Variants in PTGES3L observed in about 807,000 individuals in gnomAD.
PTGES3L encodes prostaglandin E synthase 3 like.
Under a neutral mutation model 25.0 loss-of-function variants are expected in PTGES3L, and 17 were observed. That is an observed-to-expected ratio of 0.68 (90% confidence interval 0.47 to 1.02). The LOEUF is 1.02. Among genes scored for constraint, PTGES3L ranks in the 50% least tolerant of loss-of-function variants. The pLI, the probability that PTGES3L is intolerant of heterozygous loss-of-function variation, is 0.00. For missense variants in PTGES3L, 202 were observed against 197.5 expected (o/e 1.02, Z -0.14); for synonymous variants, 59 against 65.7 (o/e 0.90, Z 0.50).
In PTGES3L at chr17:42,980,064, GCTC is replaced by G; in HGVS notation, c.-14_-12del. The G allele has an allele frequency of 6.4e-7, 1 of 1,551,120 alleles. No individual in the cohort carries two copies. Among genetic ancestry groups the G allele is most frequent in the Non-Finnish European group, 8.7e-7 (1 of 1,146,844 alleles). On this transcript the variant is annotated 5_prime_UTR_variant, in exon 1 of 7. Coordinates refer to ENST00000591916, the MANE Select transcript of PTGES3L (RefSeq NM_001261430.2). ...CACTCACCGTGCCATTGCGGCTCCC[GCTC>G]CAGGGTGGCATTTAGAGTTCCAGGC...
intron 4 of PTGES3L, among the ~76,000 whole-genome samples, chr17:42,978,729 G>A (rs531910416): frequency 1.3e-5 from 2 of 151,792 alleles, no homozygotes; most frequent in East Asian, 2.0e-4. Flanking sequence ...AGCCAGGCGC[G>A]GTGGCTCACG....
Position 42,968,987 on chromosome 17 carries a change from A to G in PTGES3L, c.*161T>C, listed in dbSNP as rs897309266. ...ATAGTCAAGTGCCTAGGAGGAAGAC[A>G]AGCTTGAAGGACGACCCTTAATAAA... On this transcript the variant is annotated 3_prime_UTR_variant, in exon 7 of 7. Transcript: ENST00000591916. 2.8e-5 allele frequency: 16 copies of G among 575,602 alleles called. No homozygotes were observed. The highest frequency in any genetic ancestry group is 2.6e-4 in the African/African-American group (14 of 53,460). 35.7% of individuals were successfully genotyped at this position (575,602 alleles called of 1,614,324 possible).
intron 4 of PTGES3L, among the ~76,000 whole-genome samples, chr17:42,974,367 A>C (rs1357059828): frequency 1.3e-5 from 2 of 151,924 alleles, no homozygotes; most frequent in Non-Finnish European, 2.9e-5. Flanking sequence ...TCTCGAAAAA[A>C]AAAAAAAAAA....
chr17:42,972,904 T>C (rs568266562), intron 4 of PTGES3L, among the ~76,000 whole-genome samples: 1 of 144,460 alleles, frequency 6.9e-6, no homozygotes, highest in African/African-American at 2.5e-5. Context: ...CGCCATCACA[T>C]CTAGGAAGTG....
At chr17:42,973,171 A>G (rs1353374553) in intron 4 of PTGES3L, among the ~76,000 whole-genome samples, 3 of 108,126 alleles carry the variant, frequency 2.8e-5, no homozygotes, top group African/African-American at 7.2e-5. Context: ...CCCAGCAGCC[A>G]CCCCATCCGG....
intron 4 of PTGES3L, among the ~76,000 whole-genome samples, chr17:42,977,192 G>A (rs1470049831): frequency 6.6e-6 from 1 of 152,116 alleles, no homozygotes; most frequent in East Asian, 1.9e-4. Flanking sequence ...TTGGGAGGCC[G>A]AGGCGAGCAG....
At chr17:42,973,276 G>A (rs1457184776) in intron 4 of PTGES3L, among the ~76,000 whole-genome samples, 3 of 148,524 alleles carry the variant, frequency 2.0e-5, no homozygotes, top group Non-Finnish European at 3.0e-5. Flanking sequence ...CAGCCGCCCC[G>A]TCCGGGAGGT....
chr17:42,971,862 A>C, intron 4 of PTGES3L, 166 bp from the exon 5 acceptor site: 1 of 613,062 alleles, frequency 1.6e-6, no homozygotes. Flanking sequence ...TCTACACACA[A>C]AGCTAGGCAT....
In PTGES3L at chr17:42,971,930, CTG is replaced by C; in HGVS notation, c.289-236_289-235del. 9 of 465,184 alleles carry C rather than the reference CTG, an allele frequency of 1.9e-5. No individual in the cohort carries two copies. In the South Asian group the frequency reaches 2.0e-4, roughly 11 times the overall value. The allele number at this position is 465,184 out of a possible 1,614,324, so 28.8% of individuals were successfully genotyped here. On this transcript the variant is annotated intron_variant, in intron 4 of 6. Transcript: ENST00000591916. Reference sequence around the variant, plus strand: ...TCCGGCCAGGCGTGGTGGCTCATGCCTGTAATCTCAGCACTTTGGAAGGCCGA... The same window carrying C: ...TCCGGCCAGGCGTGGTGGCTCATGCCTAATCTCAGCACTTTGGAAGGCCGA...
At chr17:42,974,956 C>T (rs1328024875) in intron 4 of PTGES3L, among the ~76,000 whole-genome samples, 2 of 151,214 alleles carry the variant, frequency 1.3e-5, no homozygotes, top group African/African-American at 4.9e-5. Flanking sequence ...GGCAACATGG[C>T]AAAACCCCAT....
At chr17:42,973,410 G>T (rs1309210296) in intron 4 of PTGES3L, among the ~76,000 whole-genome samples, 1 of 148,096 alleles carries the variant, frequency 6.8e-6, no homozygotes, top group East Asian at 2.1e-4. Context: ...CCCCGTCCGG[G>T]AGGTGAGGGG....
chr17:42,971,178 T>TAATCCCAGCTACTCAGG (rs1273413019), intron 5 of PTGES3L, among the ~76,000 whole-genome samples: 2 of 151,932 alleles, frequency 1.3e-5, no homozygotes, highest in Non-Finnish European at 2.9e-5. Flanking sequence ...TGGGCACCTG[T>TAATCCCAGCTACTCAGG]AATCCCAGCT....
chr17:42,974,577 A>C (rs1472830513), intron 4 of PTGES3L, among the ~76,000 whole-genome samples: 1 of 152,074 alleles, frequency 6.6e-6, no homozygotes, highest in African/African-American at 2.4e-5. Context: ...GTTTGAGACC[A>C]GCCTGGCCAA....
intron 4 of PTGES3L, among the ~76,000 whole-genome samples, chr17:42,973,091 A>G (rs1597737882): frequency 2.0e-5 from 2 of 98,710 alleles, no homozygotes; most frequent in African/African-American, 4.0e-5. Context: ...CCTGGCAACC[A>G]CCCCGTCTGA....
rs7217553 is a variant in PTGES3L at position 42,969,200 on chromosome 17, G to A, written c.433-14C>T. 0.5 allele frequency: 695,321 copies of A among 1,378,032 alleles called. 181,886 individuals are homozygous for A. Among genetic ancestry groups the A allele is most frequent in the East Asian group, 0.85 (33,749 of 39,736 alleles). The allele number at this position is 1,378,032 out of a possible 1,614,324, so 85.4% of individuals were successfully genotyped here. ...GTCAGAATCATCCTGGGGGCGGGGGGGAAAAAAGACAAAGCACCTGTAGAC... is the reference window on the plus strand; with the variant it reads ...GTCAGAATCATCCTGGGGGCGGGGGAGAAAAAAGACAAAGCACCTGTAGAC... On this transcript the variant is annotated splice_polypyrimidine_tract_variant and intron_variant, in intron 6 of 6. Transcript: ENST00000591916.
At chr17:42,969,697 C>T (rs2049798263) in intron 6 of PTGES3L, among the ~76,000 whole-genome samples, 2 of 152,042 alleles carry the variant, frequency 1.3e-5, no homozygotes, top group Admixed American at 1.3e-4. Context: ...CCACCACACC[C>T]ACCCTAGTTT....
intron 4 of PTGES3L, among the ~76,000 whole-genome samples, chr17:42,973,241 T>A (rs1214853754): frequency 7.8e-6 from 1 of 127,910 alleles, no homozygotes; most frequent in African/African-American, 3.0e-5. Flanking sequence ...GGGAGGGAGG[T>A]GGGGGGGTCA....
intron 4 of PTGES3L, among the ~76,000 whole-genome samples, chr17:42,977,047 C>G (rs1038451791): frequency 1.8e-4 from 27 of 151,990 alleles, no homozygotes; most frequent in African/African-American, 6.3e-4. Flanking sequence ...TTCCAGCACC[C>G]TGGGAGGCTG....
chr17:42,971,729 G>A (rs1222586453), intron 4 of PTGES3L, 33 bp from the exon 5 acceptor site: 1 of 1,612,004 alleles, frequency 6.2e-7, no homozygotes. Context: ...TCACAGGCCA[G>A]GAGGGCAGGA....
Sources: allele counts gnomAD v4.1 joint callset (sites outside exome capture counted in the v4.1 genomes callset), GRCh38; gene constraint gnomAD v4.1.1; transcripts MANE v1.5; gene names NCBI Gene and HGNC (gene_info 2026-07-23, HGNC 2026-07-21).